Variants in MFAP3L observed in about 807,000 individuals in gnomAD.
MFAP3L encodes the protein microfibrillar-associated protein 3-like.
MFAP3L carries 5 observed loss-of-function variants against 20.0 expected under a neutral mutation model. That is an observed-to-expected ratio of 0.25 (90% confidence interval 0.13 to 0.53). MFAP3L has a LOEUF of 0.53. MFAP3L is among the 20% of genes least tolerant of loss of function. The pLI, the probability that MFAP3L is intolerant of heterozygous loss-of-function variation, is 0.96. For missense variants in MFAP3L, 409 were observed against 527.5 expected (o/e 0.78, Z 2.20); for synonymous variants, 219 against 213.0 (o/e 1.03, Z -0.25).
intron 2 of MFAP3L, chr4:170,001,987 G>A: frequency 1.1e-5 from 11 of 985,436 alleles, no homozygotes; most frequent in Non-Finnish European, 1.3e-5. Flanking sequence ...AACGAGACAT[G>A]AAATTGCTCC....
At chr4:170,006,995 C>G (rs1739079963) in intron 1 of MFAP3L, 1 of 152,160 alleles carries the variant, frequency 6.6e-6, no homozygotes, top group Admixed American at 6.5e-5. Flanking sequence ...CTTCTATGTC[C>G]AAAGATCTAA....
intron 2 of MFAP3L, among the ~76,000 whole-genome samples, chr4:170,000,368 A>C (rs1260268842): frequency 6.6e-6 from 1 of 152,188 alleles, no homozygotes; most frequent in East Asian, 1.9e-4. Context: ...ATTACCCAGA[A>C]AACTCTTTCT....
At chr4:170,024,754 C>T (rs894654268) in intron 1 of MFAP3L, among the ~76,000 whole-genome samples, 1 of 152,140 alleles carries the variant, frequency 6.6e-6, no homozygotes, top group Non-Finnish European at 1.5e-5. Flanking sequence ...GGTTATGCAG[C>T]ATCACAGGAC....
intron 1 of MFAP3L, among the ~76,000 whole-genome samples, chr4:170,023,481 A>C (rs1320767095): frequency 6.6e-6 from 1 of 152,116 alleles, no homozygotes; most frequent in Non-Finnish European, 1.5e-5. Flanking sequence ...AATCAACCAA[A>C]CCCTTTGTAA....
At chr4:170,008,837 AC>A (rs1196872979) in intron 1 of MFAP3L, among the ~76,000 whole-genome samples, 1 of 152,216 alleles carries the variant, frequency 6.6e-6, no homozygotes, top group Non-Finnish European at 1.5e-5. Flanking sequence ...GATTACAAGG[AC>A]AGCTCCTGGA....
At chr4:169,999,232 T>G (rs1400762711) in intron 2 of MFAP3L, among the ~76,000 whole-genome samples, 1 of 152,186 alleles carries the variant, frequency 6.6e-6, no homozygotes, top group Admixed American at 6.5e-5. Flanking sequence ...AGGGCAGCTC[T>G]AACAAGCTAA....
intron 1 of MFAP3L, among the ~76,000 whole-genome samples, chr4:170,009,111 A>G (rs1739218096): frequency 6.6e-6 from 1 of 152,178 alleles, no homozygotes; most frequent in South Asian, 2.1e-4. Context: ...TGAGCTGGAC[A>G]TGGTGGCTCA....
At position 169,998,236 on chromosome 4, in the gene MFAP3L, T is replaced by C. The variant is rs115768262; in HGVS notation, c.299-5927A>G. ...CAATAGGACAGTGCCAGGTAGCCCA[T>C]CTGGCAATGAGAGAACAGATCAATA... On this transcript the variant is annotated intron_variant, in intron 2 of 2. Coordinates refer to ENST00000361618, the MANE Select transcript of MFAP3L (RefSeq NM_021647.8). Among the ~76,000 whole-genome samples, 720 of 152,354 alleles carry C rather than the reference T, an allele frequency of 4.7e-3. 7 individuals are homozygous for C. The highest frequency in any genetic ancestry group is 0.017 in the African/African-American group (694 of 41,582).
Position 170,003,314 on chromosome 4 carries a change from C to T in MFAP3L, c.298+2266G>A, listed in dbSNP as rs553665541. On this transcript the variant is annotated intron_variant, in intron 2 of 2. Transcript: ENST00000361618. ...CTCTGTGGCAAAGGCTTTTGACTGGCGGCCACTAGCTTGGGGTCTACTGAC... is the reference window on the plus strand; with the variant it reads ...CTCTGTGGCAAAGGCTTTTGACTGGTGGCCACTAGCTTGGGGTCTACTGAC... 1.2e-4 allele frequency among the ~76,000 whole-genome samples: 18 copies of T among 152,250 alleles called. No homozygotes were observed. In the South Asian group the frequency reaches 2.9e-3, roughly 25 times the overall value.
rs762337097 is a variant in MFAP3L at position 169,992,328 on chromosome 4, G to A, written c.299-19C>T. 2.5e-6 allele frequency: 4 copies of A among 1,586,936 alleles called. No homozygotes were observed. In the Admixed American group the frequency reaches 5.1e-5, roughly 20 times the overall value. On this transcript the variant is annotated intron_variant, in intron 2 of 2. Coordinates refer to ENST00000361618, the MANE Select transcript of MFAP3L (RefSeq NM_021647.8). The surrounding 1 kb of genome is among the most constrained non-coding windows in gnomAD (Gnocchi z 4.3). ...CATTTTCCTGTCGGAAGGGAGAGAA[G>A]AGAATTCAACCAAGGACACAGAGCT...
At chr4:170,017,811 T>C (rs935979166) in intron 1 of MFAP3L, among the ~76,000 whole-genome samples, 6 of 152,188 alleles carry the variant, frequency 3.9e-5, no homozygotes, top group African/African-American at 1.4e-4. Context: ...AAAATAGGGA[T>C]TCAGTGGTTT....
chr4:169,992,724 T>C lies in MFAP3L; in HGVS notation c.299-415A>G, dbSNP rs1446670459. On this transcript the variant is annotated intron_variant, in intron 2 of 2. Transcript: ENST00000361618. The surrounding 1 kb of genome is among the most constrained non-coding windows in gnomAD (Gnocchi z 4.3). ...AAAACACTGTGCTCTTATTGAAGAG[T>C]TCCTTAACTTTAAAAGCAACTGGTT... Among the ~76,000 whole-genome samples, 1 of 152,182 alleles carries C rather than the reference T, an allele frequency of 6.6e-6. No homozygotes were observed. The highest frequency in any genetic ancestry group is 1.5e-5 in the Non-Finnish European group (1 of 68,030).
Position 170,008,663 on chromosome 4 carries a change from G to A in MFAP3L, c.-133-2653C>T, listed in dbSNP as rs75102120. Among the ~76,000 whole-genome samples, 841 of 152,294 alleles carry A rather than the reference G, an allele frequency of 5.5e-3. 11 individuals carry two copies. Among genetic ancestry groups the A allele is most frequent in the African/African-American group, 0.019 (784 of 41,546 alleles). ...ATGATGTTTGTTGACTGCCCATCCAGCATCCAGGCCCTCTTCTGCCTTTCC... is the reference window on the plus strand; with the variant it reads ...ATGATGTTTGTTGACTGCCCATCCAACATCCAGGCCCTCTTCTGCCTTTCC... On this transcript the variant is annotated intron_variant, in intron 1 of 2. Transcript: ENST00000361618.
chr4:170,022,302 C>T (rs1445645326), intron 1 of MFAP3L, among the ~76,000 whole-genome samples: 1 of 152,174 alleles, frequency 6.6e-6, no homozygotes, highest in African/African-American at 2.4e-5. Context: ...TATCAAGCTG[C>T]CCTGTGAAAC....
At chr4:170,025,992 A>G (rs2955253) in intron 1 of MFAP3L, among the ~76,000 whole-genome samples, 96,226 of 151,872 alleles carry the variant, frequency 0.63, 33,362 homozygotes, top group East Asian at 0.94. Flanking sequence ...GTTCGAGCCC[A>G]GGATGCGGCA....
At chr4:170,025,525 A>C (rs1581537760) in intron 1 of MFAP3L, among the ~76,000 whole-genome samples, 1 of 152,208 alleles carries the variant, frequency 6.6e-6, no homozygotes, top group East Asian at 1.9e-4. Flanking sequence ...TGCTTTATAA[A>C]GCTTGCAAGT....
Position 169,992,055 on chromosome 4 carries a change from C to T in MFAP3L, c.553G>A (p.Ala185Thr), listed in dbSNP as rs1737748320. ...MSSHLKKTEK[A>T]INEFFRTEGA... is the part of the protein sequence containing the mutation. ...TCGGTCCTAAAGAACTCATTGATGG[C>T]CTTCTCAGTCTTCTTTAGATGGCTG... is the stretch of plus-strand genomic sequence containing the variant. The change falls in exon 3 of 3, where the codon GCC (alanine) becomes ACC (threonine). Residue 185 changes from alanine to threonine, a missense_variant. Transcript: ENST00000361618. This position sits in a 1 kb window ranked among gnomAD's most constrained non-coding sequence, Gnocchi z 4.3. The T allele has an allele frequency of 6.2e-7, 1 of 1,614,006 alleles. No individual in the cohort carries two copies. Among genetic ancestry groups the T allele is most frequent in the African/African-American group, 1.3e-5 (1 of 74,882 alleles).
chr4:169,987,059 G>T lies in MFAP3L; in HGVS notation c.*4319C>A, dbSNP rs1737326909. ...TTCTATCTCTAAAAAATCTGTTAAA[G>T]ATCATTATCATCCTCATATGATATC... On this transcript the variant is annotated 3_prime_UTR_variant, in exon 3 of 3. Transcript: ENST00000361618. 6.6e-6 allele frequency: 1 copy of T among 152,108 alleles called. No homozygotes were observed. The highest frequency in any genetic ancestry group is 1.5e-5 in the Non-Finnish European group (1 of 67,998). The allele number at this position is 152,108 out of a possible 1,614,324, so 9.4% of individuals were successfully genotyped here. A position where few individuals can be genotyped will look rare whatever the true frequency, so the allele number is the denominator to read the frequency against.
Position 169,991,851 on chromosome 4 carries a change from T to G in MFAP3L, c.757A>C (p.Ile253Leu), listed in dbSNP as rs773101411. 6.2e-7 allele frequency: 1 copy of G among 1,614,170 alleles called. No individual in the cohort carries two copies. Among genetic ancestry groups the G allele is most frequent in the Non-Finnish European group, 8.5e-7 (1 of 1,180,036 alleles). The change falls in exon 3 of 3, where the codon ATC becomes CTC. Residue 253 changes from isoleucine (I) to leucine (L), a missense_variant. Ile to Leu is a conservative substitution (Grantham distance 5). Around this residue, in one of 3 missense-constraint regions of MFAP3L, gnomAD observed 127 missense variants for 218.1 expected, o/e 0.58. Coordinates refer to ENST00000361618, the MANE Select transcript of MFAP3L (RefSeq NM_021647.8). The surrounding 1 kb of genome is among the most constrained non-coding windows in gnomAD (Gnocchi z 4.9). The part of the protein sequence containing the change: ...LPPLIMNCRT[I>L]MEEIMEVVGL... ...ACCACCTCCATAATCTCCTCCATGA[T>G]AGTCCTGCAGTTCATAATGAGAGGC... is the stretch of plus-strand genomic sequence containing the variant.
Sources: gnomAD v4.1 joint callset for allele counts (sites outside exome capture counted in the v4.1 genomes callset) on GRCh38, gnomAD v4.1.1 for gene constraint, gnomAD v4.1.1 regional missense constraint, Gnocchi (gnomAD v3.1) non-coding constraint, MANE v1.5 for transcripts, NCBI Gene and HGNC (gene_info 2026-07-23, HGNC 2026-07-21) for gene names.